The following SPTLC2 variants were observed in gnomAD, a reference collection of about 807,000 sequenced individuals.
The protein encoded by SPTLC2 is serine palmitoyltransferase 2.
Under a neutral mutation model 62.0 loss-of-function variants are expected in SPTLC2, and 21 were observed. The ratio of observed to expected loss-of-function variants is 0.34; its 90% CI spans 0.24 to 0.49. The LOEUF is 0.49. Ranked by LOEUF, SPTLC2 falls within the 20% of genes least tolerant of loss-of-function variation. The pLI is 0.99. For missense variants in SPTLC2, 511 were observed against 713.0 expected, an observed-to-expected ratio of 0.72 and a Z score of 3.23; for synonymous variants, 261 against 261.8, an observed-to-expected ratio of 1.00 and a Z score of 0.03.
chr14:77,506,240 G>GT lies in SPTLC2; in HGVS notation c.*6043dup, dbSNP rs1377323716. 10 of 152,302 alleles carry GT rather than the reference G, an allele frequency of 6.6e-5. No homozygotes were observed. Among genetic ancestry groups the GT allele is most frequent in the African/African-American group, 2.4e-4 (10 of 41,572 alleles). The allele number at this position is 152,302 out of a possible 1,614,324, so 9.4% of individuals were successfully genotyped here. ...TGACATTTTAACACATTACTAAAAT[G>GT]TTTAAGCTTTTATTTACACATCCCC... On this transcript the variant is annotated 3_prime_UTR_variant, in exon 12 of 12. Transcript: ENST00000216484.
intron 9 of SPTLC2, among the ~76,000 whole-genome samples, chr14:77,551,664 T>A (rs1010491670): frequency 6.6e-6 from 1 of 152,172 alleles, no homozygotes; most frequent in African/African-American, 2.4e-5. Context: ...AGGATGTCAT[T>A]TATTATCTAC....
intron 9 of SPTLC2, 126 bp downstream of exon 9, chr14:77,551,970 C>T: frequency 7.0e-7 from 1 of 1,424,334 alleles, no homozygotes; most frequent in Non-Finnish European, 9.6e-7. Context: ...TCCATGGAAA[C>T]CACACACCAG....
intron 11 of SPTLC2, among the ~76,000 whole-genome samples, chr14:77,517,250 GA>G (rs952588835): frequency 2.7e-5 from 4 of 148,242 alleles, no homozygotes; most frequent in East Asian, 2.0e-4. Flanking sequence ...TCTCAAAAAA[GA>G]AAAAAAAAAT....
intron 4 of SPTLC2, among the ~76,000 whole-genome samples, chr14:77,576,321 T>C (rs1398953706): frequency 2.0e-5 from 3 of 152,258 alleles, no homozygotes; most frequent in Non-Finnish European, 4.4e-5. Flanking sequence ...TATTGTCTAC[T>C]ATGTTCCAAG....
intron 1 of SPTLC2, among the ~76,000 whole-genome samples, chr14:77,601,001 T>C (rs1293649778): frequency 2.0e-5 from 3 of 152,208 alleles, no homozygotes; most frequent in Non-Finnish European, 4.4e-5. Flanking sequence ...GTAATACATA[T>C]GTTTCCATAA....
rs573995859 is a variant in SPTLC2 at position 77,573,879 on chromosome 14, G to A, written c.631+2888C>T. On this transcript the variant is annotated intron_variant, in intron 4 of 11. Coordinates refer to ENST00000216484, the MANE Select transcript of SPTLC2 (RefSeq NM_004863.4). ...ACTCCTGACCTCAAGTGATCTGCCC[G>A]CCTTGGCCTCCCAAAGTGCTGAGAT... Among the ~76,000 whole-genome samples, 4 of 152,264 alleles carry A rather than the reference G, an allele frequency of 2.6e-5. No homozygotes were observed. In the East Asian group the frequency reaches 5.8e-4, roughly 22 times the overall value.
chr14:77,526,009 A>T (rs1285518486), intron 9 of SPTLC2, among the ~76,000 whole-genome samples: 4 of 152,222 alleles, frequency 2.6e-5, no homozygotes, highest in African/African-American at 9.6e-5. Flanking sequence ...TTTTGACCTT[A>T]AAGCAGGAAA....
chr14:77,506,644 T>C lies in SPTLC2; in HGVS notation c.*5640A>G, dbSNP rs2079306874. On this transcript the variant is annotated 3_prime_UTR_variant, in exon 12 of 12. Coordinates refer to ENST00000216484, the MANE Select transcript of SPTLC2 (RefSeq NM_004863.4). ...CCACGCCACCCTAGTCAGTGACATG[T>C]ACTCCACTTTCCAGGAAGACCTGGG... 1 of 152,250 alleles carries C rather than the reference T, an allele frequency of 6.6e-6. No homozygotes were observed. The highest frequency in any genetic ancestry group is 2.4e-5 in the African/African-American group (1 of 41,460). The allele number at this position is 152,250 out of a possible 1,614,324, so 9.4% of individuals were successfully genotyped here. A position where few individuals can be genotyped will look rare whatever the true frequency, so the allele number is the denominator to read the frequency against.
chr14:77,563,552 G>A (rs1455921889), intron 5 of SPTLC2, among the ~76,000 whole-genome samples: 1 of 152,068 alleles, frequency 6.6e-6, no homozygotes, highest in South Asian at 2.1e-4. Context: ...CAGCGTCCCA[G>A]CTAGCTGGGA....
intron 2 of SPTLC2, among the ~76,000 whole-genome samples, chr14:77,589,561 G>A (rs1351410415): frequency 1.3e-5 from 2 of 151,626 alleles, no homozygotes; most frequent in African/African-American, 4.9e-5. Context: ...AGGTCGAGGT[G>A]GGCAGATTAC....
At chr14:77,538,750 T>C (rs903799802) in intron 9 of SPTLC2, among the ~76,000 whole-genome samples, 7 of 152,104 alleles carry the variant, frequency 4.6e-5, no homozygotes, top group African/African-American at 1.7e-4. Flanking sequence ...TTTGTATTTT[T>C]AGTAGAGATG....
At chr14:77,600,842 T>C (rs985876878) in intron 1 of SPTLC2, among the ~76,000 whole-genome samples, 2 of 152,086 alleles carry the variant, frequency 1.3e-5, no homozygotes, top group South Asian at 2.1e-4. Context: ...ATAAAACACA[T>C]TACAGAACAA....
At chr14:77,531,481 C>CCCTCCTCCTCCTCCTCCTCCT (rs1219084054) in intron 9 of SPTLC2, among the ~76,000 whole-genome samples, 4 of 90,284 alleles carry the variant, frequency 4.4e-5, no homozygotes, top group African/African-American at 2.1e-4. Context: ...CTCCCCCTCC[C>CCCTCCTCCTCCTCCTCCTCCT]CCTCCTCCTC....
At chr14:77,539,483 C>CTTTTTTTTTTTTTT (rs71128638) in intron 9 of SPTLC2, among the ~76,000 whole-genome samples, 2 of 53,466 alleles carry the variant, frequency 3.7e-5, no homozygotes, top group Admixed American at 3.2e-4. Context: ...TCTTAAGAGG[C>CTTTTTTTTTTTTTT]TTTTTTTTTT....
intron 9 of SPTLC2, among the ~76,000 whole-genome samples, chr14:77,545,453 G>A (rs2079523090): frequency 6.6e-6 from 1 of 152,094 alleles, no homozygotes; most frequent in Admixed American, 6.5e-5. Flanking sequence ...TATTTCAGTA[G>A]AGACAGGGTT....
rs142906287 is a variant in SPTLC2 at position 77,538,685 on chromosome 14, C to G, written c.1303+13411G>C. Among the ~76,000 whole-genome samples the G allele has an allele frequency of 6.3e-3, 954 of 152,244 alleles. 4 individuals carry two copies. Among genetic ancestry groups the G allele is most frequent in the African/African-American group, 0.021 (891 of 41,546 alleles). On this transcript the variant is annotated intron_variant, in intron 9 of 11. Coordinates refer to ENST00000216484, the MANE Select transcript of SPTLC2 (RefSeq NM_004863.4). ...TCCCGGGTTCAAACTATTCTTGTGCCTCAGCCTCCCAAGTAGCTGGGATTA... is the reference window on the plus strand; with the variant it reads ...TCCCGGGTTCAAACTATTCTTGTGCGTCAGCCTCCCAAGTAGCTGGGATTA...
Position 77,579,014 on chromosome 14 carries a change from C to A in SPTLC2, c.423G>T (p.Val141=), listed in dbSNP as rs761678264. 6.2e-6 allele frequency: 10 copies of A among 1,613,984 alleles called. No individual in the cohort carries two copies. Among genetic ancestry groups the A allele is most frequent in the Middle Eastern group, 1.6e-4 (1 of 6,084 alleles). The part of the protein sequence containing the change: ...RDNWNRPICS[V]PGARVDIMER... ...CCATGATGTCCACCCTGGCTCCAGG[C>A]ACACTACAGATTGGCCGATTCCAGT... The change falls in exon 3 of 12, where the codon GTG becomes GTT. Residue 141 remains valine, a synonymous_variant. Coordinates refer to ENST00000216484, the MANE Select transcript of SPTLC2 (RefSeq NM_004863.4).
intron 11 of SPTLC2, among the ~76,000 whole-genome samples, chr14:77,513,016 C>CTTTTTTTTTT (rs1190713237): frequency 0.022 from 1,363 of 62,822 alleles, 355 homozygotes; most frequent in Admixed American, 0.053. Context: ...AACCCAGCAA[C>CTTTTTTTTTT]TTTTTTTTTT....
intron 5 of SPTLC2, among the ~76,000 whole-genome samples, chr14:77,568,912 C>T (rs2079661779): frequency 6.6e-6 from 1 of 151,978 alleles, no homozygotes; most frequent in South Asian, 2.1e-4. Flanking sequence ...TACTTTGACG[C>T]TCTGTTAATA....
Sources: allele counts gnomAD v4.1 joint callset (sites outside exome capture counted in the v4.1 genomes callset), GRCh38; gene constraint gnomAD v4.1.1; transcripts MANE v1.5; gene names NCBI Gene and HGNC (gene_info 2026-07-23, HGNC 2026-07-21).